Variants in USP6NL observed in about 807,000 individuals in gnomAD.
USP6NL encodes USP6 N-terminal-like protein.
A neutral mutation model predicts 61.9 loss-of-function variants in USP6NL; 26 were observed. The observed-to-expected ratio is 0.42, with a 90% confidence interval of 0.31 to 0.58. The LOEUF (loss-of-function observed/expected upper bound fraction) is 0.58. Among genes scored for constraint, USP6NL ranks in the 20% least tolerant of loss-of-function variants. USP6NL has a pLI of 0.16. For synonymous variants in USP6NL, 432 were observed against 390.1 expected (o/e 1.11, Z -1.27); for missense variants, 1,114 against 1,034.3 (o/e 1.08, Z -1.06).
In USP6NL at chr10:11,481,843, A is replaced by G. The variant is rs1217366414; in HGVS notation, c.1005T>C (p.Asp335=). The change falls in exon 14 of 15, where the codon GAT becomes GAC. Residue 335 remains aspartate, a synonymous_variant. Transcript: ENST00000609104. The surrounding 1 kb of genome is among the most constrained non-coding windows in gnomAD (Gnocchi z 4.4). ...TCTGAAGTTGCTCTATCACAAAATCATCTTCAAAGAAAAAATCCTTTGCCA... is the reference window on the plus strand; with the variant it reads ...TCTGAAGTTGCTCTATCACAAAATCGTCTTCAAAGAAAAAATCCTTTGCCA... ...ETLAKDFFFE[D]DFVIEQLQIS... The G allele has an allele frequency of 6.2e-7, 1 of 1,613,030 alleles. No homozygotes were observed. The highest frequency in any genetic ancestry group is 8.5e-7 in the Non-Finnish European group (1 of 1,179,526).
In USP6NL at chr10:11,603,005, T is replaced by G. The variant is rs185849292; in HGVS notation, c.-83-5288A>C. ...CATTTCTACAGCTTTAAGTATTTTCTCAGCGCAAAAGTAAAGCAAATCTTC... is the reference window on the plus strand; with the variant it reads ...CATTTCTACAGCTTTAAGTATTTTCGCAGCGCAAAAGTAAAGCAAATCTTC... On this transcript the variant is annotated intron_variant, in intron 1 of 14. Transcript: ENST00000609104. 2.0e-5 allele frequency among the ~76,000 whole-genome samples: 3 copies of G among 152,344 alleles called. No homozygotes were observed. The East Asian group carries it at 5.8e-4, about 29-fold the overall frequency.
At chr10:11,535,481 G>A (rs1220156128) in intron 2 of USP6NL, among the ~76,000 whole-genome samples, 1 of 152,124 alleles carries the variant, frequency 6.6e-6, no homozygotes, top group East Asian at 1.9e-4. Flanking sequence ...GAAAAAATGA[G>A]GAAGCAAAAA....
chr10:11,472,841 C>G lies in USP6NL; in HGVS notation c.1078+8929G>C, dbSNP rs139762232. Among the ~76,000 whole-genome samples, 1,377 of 152,152 alleles carry G rather than the reference C, an allele frequency of 9.1e-3. 14 individuals are homozygous for G. The highest frequency in any genetic ancestry group is 0.031 in the African/African-American group (1,290 of 41,500). On this transcript the variant is annotated intron_variant, in intron 14 of 14. Transcript: ENST00000609104. ...TGACTTTTTTTCCCAGCAGATTAAA[C>G]TTGAAAGTTAAAGGAAAAAGAGACT...
chr10:11,586,395 CAA>C (rs75974777), intron 2 of USP6NL, among the ~76,000 whole-genome samples: 9 of 78,396 alleles, frequency 1.1e-4, no homozygotes, highest in Admixed American at 1.3e-4. Context: ...CTTAAATGAC[CAA>C]AAAAAAAAAA....
chr10:11,579,818 T>A (rs1054074952), intron 2 of USP6NL, among the ~76,000 whole-genome samples: 1 of 151,768 alleles, frequency 6.6e-6, no homozygotes, highest in African/African-American at 2.4e-5. Flanking sequence ...AGATAGTAAA[T>A]GTTTTCTATT....
chr10:11,517,708 A>G (rs1288166451), intron 5 of USP6NL, among the ~76,000 whole-genome samples: 1 of 152,216 alleles, frequency 6.6e-6, no homozygotes, highest in East Asian at 1.9e-4. Flanking sequence ...GTTTTGCTAC[A>G]GTTTTGATTT....
rs180874598 is a variant in USP6NL at position 11,553,650 on chromosome 10, G to A, written c.5-26083C>T. Among the ~76,000 whole-genome samples the A allele has an allele frequency of 4.6e-5, 7 of 152,066 alleles. No individual in the cohort carries two copies. The highest frequency in any genetic ancestry group is 7.2e-5 in the African/African-American group (3 of 41,390). On this transcript the variant is annotated intron_variant, in intron 2 of 14. Coordinates refer to ENST00000609104, the MANE Select transcript of USP6NL (RefSeq NM_014688.5). The surrounding 1 kb of genome is among the most constrained non-coding windows in gnomAD (Gnocchi z 4.8). The stretch of plus-strand genomic sequence containing the variant: ...TGGCTCATGCCTGTAATCCCGGTAC[G>A]TTGGAAGGCTGAGGTGGGTGGATTA...
At chr10:11,590,847 C>T (rs1326590355) in intron 2 of USP6NL, among the ~76,000 whole-genome samples, 2 of 152,246 alleles carry the variant, frequency 1.3e-5, no homozygotes, top group East Asian at 3.9e-4. Flanking sequence ...TTTGGAAAAT[C>T]AGACTCTGAG....
At chr10:11,586,655 TCCC>T (rs1306507828) in intron 2 of USP6NL, among the ~76,000 whole-genome samples, 1 of 151,958 alleles carries the variant, frequency 6.6e-6, no homozygotes, top group South Asian at 2.1e-4. Context: ...GTAATATTTT[TCCC>T]CCATTTTCAA....
At chr10:11,506,257 C>A (rs988409882) in intron 6 of USP6NL, among the ~76,000 whole-genome samples, 1 of 152,204 alleles carries the variant, frequency 6.6e-6, no homozygotes, top group Non-Finnish European at 1.5e-5. Flanking sequence ...AGGCACTTTG[C>A]TGTGACATAG....
At chr10:11,486,627 T>G (rs1334625106) in intron 10 of USP6NL, among the ~76,000 whole-genome samples, 1 of 152,336 alleles carries the variant, frequency 6.6e-6, no homozygotes, top group Admixed American at 6.5e-5. Context: ...ACTTGATGAT[T>G]CTTCTACATT....
In USP6NL at chr10:11,463,765, C is replaced by A; in HGVS notation, c.1163G>T (p.Gly388Val). The change falls in exon 15 of 15, where the codon GGA (glycine) becomes GTA (valine). Residue 388 changes from glycine to valine, a missense_variant. Coordinates refer to ENST00000609104, the MANE Select transcript of USP6NL (RefSeq NM_014688.5). The surrounding 1 kb of genome is among the most constrained non-coding windows in gnomAD (Gnocchi z 6.3). ...QSWGVHHLSN[G>V]QRSVGRPSPL... ...GCTCGGCCGGCCCACGCTCCTCTGT[C>A]CGTTGCTCAAGTGATGGACGCCCCA... The A allele has an allele frequency of 6.4e-7, 1 of 1,562,932 alleles. No individual in the cohort carries two copies.
At chr10:11,539,226 C>T (rs116157183) in intron 2 of USP6NL, among the ~76,000 whole-genome samples, 128 of 152,334 alleles carry the variant, frequency 8.4e-4, no homozygotes, top group African/African-American at 3.0e-3. Context: ...AAGGTGCCTG[C>T]TCTTTGAGGC....
chr10:11,599,773 C>T (rs1318567063), intron 1 of USP6NL, among the ~76,000 whole-genome samples: 2 of 150,810 alleles, frequency 1.3e-5, no homozygotes. Flanking sequence ...CTCTGTCGCC[C>T]AGGTTGGAGT....
intron 2 of USP6NL, among the ~76,000 whole-genome samples, chr10:11,539,742 C>T (rs955452942): frequency 1.3e-5 from 2 of 152,200 alleles, no homozygotes; most frequent in East Asian, 3.8e-4. Context: ...ACAGATGACA[C>T]AAGACTGGTT....
chr10:11,504,045 A>T (rs774959103), intron 6 of USP6NL, among the ~76,000 whole-genome samples: 3 of 152,190 alleles, frequency 2.0e-5, no homozygotes, highest in Non-Finnish European at 4.4e-5. Flanking sequence ...CTTAAAAGGA[A>T]TATAAAAACG....
intron 10 of USP6NL, among the ~76,000 whole-genome samples, chr10:11,488,801 T>TCA (rs1169277990): frequency 1.3e-5 from 2 of 152,164 alleles, no homozygotes; most frequent in Non-Finnish European, 2.9e-5. Context: ...CCCAATAATA[T>TCA]ACCTGTTCTT....
rs1833180213 is a variant in USP6NL at position 11,481,165 on chromosome 10, G to A, written c.1078+605C>T. Among the ~76,000 whole-genome samples the A allele has an allele frequency of 6.6e-6, 1 of 152,172 alleles. No individual in the cohort carries two copies. Among genetic ancestry groups the A allele is most frequent in the African/African-American group, 2.4e-5 (1 of 41,442 alleles). On this transcript the variant is annotated intron_variant, in intron 14 of 14. Coordinates refer to ENST00000609104, the MANE Select transcript of USP6NL (RefSeq NM_014688.5). The surrounding 1 kb of genome is among the most constrained non-coding windows in gnomAD (Gnocchi z 4.4). ...CTTCAGTTCTTAAATCCCCAGCAAA[G>A]TAGTACCTAGCAGAAAACCTATTAG... is the stretch of plus-strand genomic sequence containing the variant.
chr10:11,582,652 A>G (rs1837820294), intron 2 of USP6NL, among the ~76,000 whole-genome samples: 1 of 152,204 alleles, frequency 6.6e-6, no homozygotes, highest in Non-Finnish European at 1.5e-5. Flanking sequence ...AAGTATTTGT[A>G]TTAACAGAAT....
Sources: gnomAD v4.1 joint callset for allele counts (sites outside exome capture counted in the v4.1 genomes callset) on GRCh38, gnomAD v4.1.1 for gene constraint, Gnocchi (gnomAD v3.1) non-coding constraint, MANE v1.5 for transcripts, NCBI Gene and HGNC (gene_info 2026-07-23, HGNC 2026-07-21) for gene names.